The following LPP variants were observed in gnomAD, a reference collection of about 807,000 sequenced individuals.
LPP encodes the protein lipoma-preferred partner.
In LPP, 38 loss-of-function variants were observed where a neutral mutation model predicts 60.4. The observed-to-expected ratio is 0.63, with a 90% confidence interval of 0.49 to 0.83. LPP has a LOEUF of 0.83. Ranked by LOEUF, LPP falls within the 40% of genes least tolerant of loss-of-function variation. LPP has a pLI of 0.00. For missense variants in LPP, 902 were observed against 783.6 expected, an observed-to-expected ratio of 1.15 and a Z score of -1.80; for synonymous variants, 328 against 290.8, an observed-to-expected ratio of 1.13 and a Z score of -1.30.
At position 188,880,914 on chromosome 3, in the gene LPP, A is replaced by G. The variant is rs1015731882; in HGVS notation, c.*6435A>G. The G allele has an allele frequency of 4.8e-5, 8 of 168,384 alleles. No individual in the cohort carries two copies. The highest frequency in any genetic ancestry group is 1.9e-4 in the African/African-American group (8 of 41,890). 10.4% of individuals were successfully genotyped at this position (168,384 alleles called of 1,614,324 possible). ...GGGAGGCCAAGGCGGGCCGATCACGAGGTCAGGAGATCGAGACCATCCTGG... is the reference window on the plus strand; with the variant it reads ...GGGAGGCCAAGGCGGGCCGATCACGGGGTCAGGAGATCGAGACCATCCTGG... On this transcript the variant is annotated 3_prime_UTR_variant, in exon 12 of 12. Transcript: ENST00000617246.
At chr3:188,681,854 G>A (rs1341274743) in intron 7 of LPP, among the ~76,000 whole-genome samples, 2 of 152,172 alleles carry the variant, frequency 1.3e-5, no homozygotes, top group Non-Finnish European at 2.9e-5. Flanking sequence ...TTTAATGTGT[G>A]TGCATATTGT....
chr3:188,588,487 A>C (rs1311889711), intron 6 of LPP, among the ~76,000 whole-genome samples: 1 of 152,056 alleles, frequency 6.6e-6, no homozygotes, highest in Non-Finnish European at 1.5e-5. Context: ...TACTTTATGG[A>C]GTGTAGAGGT....
intron 2 of LPP, among the ~76,000 whole-genome samples, chr3:188,270,055 A>T (rs1182063860): frequency 6.6e-6 from 1 of 151,964 alleles, no homozygotes; most frequent in African/African-American, 2.4e-5. Context: ...TTCCAGAAAA[A>T]GCAAAACTAA....
intron 2 of LPP, among the ~76,000 whole-genome samples, chr3:188,258,314 T>C (rs1560168008): frequency 6.6e-6 from 1 of 152,174 alleles, no homozygotes; most frequent in Admixed American, 6.5e-5. Context: ...TAAAATCACT[T>C]GGGGAGGTTT....
At chr3:188,596,787 C>T (rs543470323) in intron 6 of LPP, among the ~76,000 whole-genome samples, 82 of 152,246 alleles carry the variant, frequency 5.4e-4, no homozygotes, top group African/African-American at 1.5e-3. Flanking sequence ...GCTTTGCTTT[C>T]GGTCACCCAA....
At chr3:188,573,973 G>T (rs7632060) in intron 6 of LPP, among the ~76,000 whole-genome samples, 1 of 151,976 alleles carries the variant, frequency 6.6e-6, no homozygotes, top group African/African-American at 2.4e-5. Context: ...TAGGGAGCCA[G>T]AATTATTACC....
At chr3:188,265,994 T>C (rs1241201761) in intron 2 of LPP, among the ~76,000 whole-genome samples, 1 of 152,092 alleles carries the variant, frequency 6.6e-6, no homozygotes, top group African/African-American at 2.4e-5. Context: ...TGCCTGTCTT[T>C]ATATGTCTTT....
chr3:188,353,799 T>C (rs1276034834), intron 3 of LPP, among the ~76,000 whole-genome samples: 6 of 152,224 alleles, frequency 3.9e-5, no homozygotes, highest in Non-Finnish European at 8.8e-5. Flanking sequence ...AGGAAAATAC[T>C]GCATTTCTGT....
At chr3:188,485,796 C>CAAAAAAAAAAAAAAAAAAAAAA (rs766522013) in intron 5 of LPP, among the ~76,000 whole-genome samples, 18 of 40,144 alleles carry the variant, frequency 4.5e-4, no homozygotes, top group East Asian at 8.4e-4. Context: ...GACTCCGTCT[C>CAAAAAAAAAAAAAAAAAAAAAA]AAAAAAAAAA....
At position 188,883,109 on chromosome 3, in the gene LPP, C is replaced by A. The variant is rs374330848; in HGVS notation, c.*8630C>A. 3 of 216,570 alleles carry A rather than the reference C, an allele frequency of 1.4e-5. No homozygotes were observed. The highest frequency in any genetic ancestry group is 3.7e-4 in the South Asian group (2 of 5,388). The allele number at this position is 216,570 out of a possible 1,614,324, so 13.4% of individuals were successfully genotyped here. A position where few individuals can be genotyped will look rare whatever the true frequency, so the allele number is the denominator to read the frequency against. On this transcript the variant is annotated 3_prime_UTR_variant, in exon 12 of 12. Transcript: ENST00000617246. ...CTACACGACTTTAAAACAGAGCCAG[C>A]CTTTGGGGCATATGTTCTCTTTGGT...
At chr3:188,801,481 T>C (rs1747253939) in intron 9 of LPP, among the ~76,000 whole-genome samples, 1 of 152,210 alleles carries the variant, frequency 6.6e-6, no homozygotes, top group Non-Finnish European at 1.5e-5. Context: ...TAGGTATTTA[T>C]TATTTTATTT....
chr3:188,840,960 A>G (rs1405832468), intron 9 of LPP, among the ~76,000 whole-genome samples: 2 of 152,168 alleles, frequency 1.3e-5, no homozygotes, highest in Non-Finnish European at 2.9e-5. Flanking sequence ...AACACTTGGG[A>G]AAATGCTACT....
intron 1 of LPP, among the ~76,000 whole-genome samples, chr3:188,169,593 G>A (rs9855318): frequency 0.27 from 41,071 of 152,138 alleles, 7,108 homozygotes; most frequent in South Asian, 0.46. Flanking sequence ...TTTCAGTATT[G>A]TGTATCTTTA....
chr3:188,762,657 CT>C (rs1372976561), intron 9 of LPP, among the ~76,000 whole-genome samples: 2 of 152,004 alleles, frequency 1.3e-5, no homozygotes, highest in Non-Finnish European at 2.9e-5. Flanking sequence ...GCCCCTTCTT[CT>C]TTGGTTTGTT....
intron 7 of LPP, among the ~76,000 whole-genome samples, chr3:188,669,466 C>T (rs993016070): frequency 3.3e-5 from 5 of 152,078 alleles, no homozygotes; most frequent in Non-Finnish European, 7.4e-5. Context: ...GTCCGAGCTA[C>T]TCGGGAGGCT....
intron 3 of LPP, among the ~76,000 whole-genome samples, chr3:188,367,721 C>G (rs1247782455): frequency 6.6e-6 from 1 of 152,168 alleles, no homozygotes; most frequent in Non-Finnish European, 1.5e-5. Context: ...GGGACTCTTG[C>G]TATTATTTCC....
At chr3:188,438,781 G>C (rs1043931275) in intron 4 of LPP, among the ~76,000 whole-genome samples, 14 of 152,176 alleles carry the variant, frequency 9.2e-5, no homozygotes, top group African/African-American at 3.4e-4. Context: ...GTGAGCAGAG[G>C]ATAGGACACT....
intron 6 of LPP, among the ~76,000 whole-genome samples, chr3:188,608,817 G>A (rs548690554): frequency 1.2e-4 from 18 of 152,190 alleles, no homozygotes; most frequent in East Asian, 5.8e-4. Context: ...ATGTTTATCC[G>A]TTTGTTTGTG....
chr3:188,458,839 G>GT (rs1239571892), intron 4 of LPP, among the ~76,000 whole-genome samples: 8 of 151,250 alleles, frequency 5.3e-5, no homozygotes, highest in Admixed American at 1.3e-4. Context: ...TGCAGTGTGG[G>GT]TTTTTTTTCG....
Sources: gnomAD v4.1 joint callset for allele counts (sites outside exome capture counted in the v4.1 genomes callset) on GRCh38, gnomAD v4.1.1 for gene constraint, MANE v1.5 for transcripts, NCBI Gene and HGNC (gene_info 2026-07-23, HGNC 2026-07-21) for gene names.